The following PKIG variants were observed in gnomAD, a reference collection of about 807,000 sequenced individuals.
PKIG encodes the protein protein kinase (cAMP-dependent, catalytic) inhibitor gamma.
In PKIG, 1 loss-of-function variant was observed where a neutral mutation model predicts 6.8. The observed-to-expected ratio is 0.15, with a 90% confidence interval of 0.05 to 0.69. The LOEUF is 0.69. PKIG is among the 30% of genes least tolerant of loss of function. The pLI is 0.82. For missense variants in PKIG, 77 were observed against 104.0 expected (o/e 0.74, Z 1.13); for synonymous variants, 39 against 43.0 (o/e 0.91, Z 0.36).
upstream of PKIG, among the ~76,000 whole-genome samples, chr20:44,580,175 C>A (rs1451601610): frequency 6.6e-6 from 1 of 152,122 alleles, no homozygotes; most frequent in Non-Finnish European, 1.5e-5. Flanking sequence ...GGCACATAAC[C>A]CACACAAGAA....
chr20:44,585,795 C>T (rs1437860677), intron 1 of PKIG, among the ~76,000 whole-genome samples: 2 of 152,276 alleles, frequency 1.3e-5, no homozygotes, highest in Non-Finnish European at 2.9e-5. Context: ...CTCTAGTCTC[C>T]TGCCTGGCCC....
chr20:44,583,242 C>A (rs549660943), intron 1 of PKIG, among the ~76,000 whole-genome samples: 1 of 152,252 alleles, frequency 6.6e-6, no homozygotes, highest in Admixed American at 6.5e-5. Context: ...CACATATAAA[C>A]CCAGTGCTGC....
chr20:44,618,161 C>G, intron 3 of PKIG, 124 bp from the exon 4 acceptor site: 1 of 545,750 alleles, frequency 1.8e-6, no homozygotes, highest in Non-Finnish European at 3.2e-6. Flanking sequence ...CAGTCCAGCT[C>G]CAGCTCGTCT....
In PKIG at chr20:44,614,560, A is replaced by G; in HGVS notation, c.4A>G (p.Met2Val). The change falls in exon 3 of 4, where the codon ATG (methionine) becomes GTG (valine). Residue 2 changes from methionine (M) to valine (V), a missense_variant. Coordinates refer to ENST00000372886, the MANE Select transcript of PKIG (RefSeq NM_001281445.2). The surrounding 1 kb of genome is among the most constrained non-coding windows in gnomAD (Gnocchi z 4.6). MMEVESSYSDFI... is the reference protein window; with the variant it reads MVEVESSYSDFI... ...CCTGAGGAGCGATGCGACAGGCATG[A>G]TGGAGGTCGAGTCCTCCTACTCGGA... is the stretch of plus-strand genomic sequence containing the variant. 6.2e-7 allele frequency: 1 copy of G among 1,613,958 alleles called. No individual in the cohort carries two copies. Among genetic ancestry groups the G allele is most frequent in the Non-Finnish European group, 8.5e-7 (1 of 1,179,910 alleles).
intron 3 of PKIG, among the ~76,000 whole-genome samples, chr20:44,616,881 T>C (rs903463715): frequency 6.6e-6 from 1 of 152,162 alleles, no homozygotes; most frequent in Non-Finnish European, 1.5e-5. Flanking sequence ...GGGCTCGGAA[T>C]AGGGTCCCGA....
chr20:44,592,883 G>A (rs1325000003), intron 2 of PKIG, among the ~76,000 whole-genome samples: 3 of 152,120 alleles, frequency 2.0e-5, no homozygotes, highest in Non-Finnish European at 4.4e-5. Flanking sequence ...TACCCAAAGC[G>A]ATCTACAGAA....
intron 1 of PKIG, among the ~76,000 whole-genome samples, chr20:44,565,655 C>T (rs1442500634): frequency 6.6e-6 from 1 of 152,222 alleles, no homozygotes; most frequent in Admixed American, 6.5e-5. Flanking sequence ...TTAGCCCATT[C>T]ATAATCTTTA....
intron 1 of PKIG, among the ~76,000 whole-genome samples, chr20:44,574,262 C>T (rs1010852768): frequency 6.6e-6 from 1 of 152,162 alleles, no homozygotes; most frequent in Non-Finnish European, 1.5e-5. Flanking sequence ...ATCCTGCTCC[C>T]AAGGGCATAC....
intron 1 of PKIG, among the ~76,000 whole-genome samples, chr20:44,558,554 T>C (rs1426432712): frequency 6.7e-6 from 1 of 150,134 alleles, no homozygotes; most frequent in African/African-American, 2.5e-5. Context: ...CTCACATTTC[T>C]TTTTCTTTCT....
At chr20:44,597,363 G>T (rs1210669644) in intron 2 of PKIG, among the ~76,000 whole-genome samples, 5 of 151,916 alleles carry the variant, frequency 3.3e-5, no homozygotes, top group Admixed American at 3.3e-4. Flanking sequence ...AGAATTACGG[G>T]CTTATGAACT....
intron 1 of PKIG, among the ~76,000 whole-genome samples, chr20:44,558,582 C>T (rs943450533): frequency 6.2e-5 from 9 of 144,698 alleles, no homozygotes; most frequent in African/African-American, 2.4e-4. Flanking sequence ...TTTTTTCTTT[C>T]TTTCTTTCTT....
intron 2 of PKIG, chr20:44,598,998 A>C (rs2065097663): frequency 6.6e-6 from 1 of 152,218 alleles, no homozygotes; most frequent in Non-Finnish European, 1.5e-5. Context: ...AGTCAACCCA[A>C]CATCACTGAA....
intron 1 of PKIG, among the ~76,000 whole-genome samples, chr20:44,532,349 C>T (rs1267651896): frequency 6.6e-6 from 1 of 152,150 alleles, no homozygotes; most frequent in Non-Finnish European, 1.5e-5. Flanking sequence ...TCAGTTTTAT[C>T]GTCTGCAAAA....
chr20:44,558,165 T>C (rs1228160615), intron 1 of PKIG, among the ~76,000 whole-genome samples: 2 of 152,238 alleles, frequency 1.3e-5, no homozygotes, highest in African/African-American at 4.8e-5. Context: ...AGTCCTATTC[T>C]AATATACGGA....
At chr20:44,534,559 C>T (rs1461541370) in intron 1 of PKIG, among the ~76,000 whole-genome samples, 1 of 151,670 alleles carries the variant, frequency 6.6e-6, no homozygotes, top group African/African-American at 2.4e-5. Context: ...GCCTCTGCCT[C>T]CTGTGCTCAA....
chr20:44,576,984 A>G (rs2064903852), intron 1 of PKIG, among the ~76,000 whole-genome samples: 1 of 152,128 alleles, frequency 6.6e-6, no homozygotes, highest in Non-Finnish European at 1.5e-5. Flanking sequence ...CTGAAGAAAA[A>G]GCAGCCACGT....
chr20:44,596,394 T>C (rs1267443464), intron 2 of PKIG, among the ~76,000 whole-genome samples: 1 of 152,176 alleles, frequency 6.6e-6, no homozygotes, highest in African/African-American at 2.4e-5. Flanking sequence ...CAGGACTGTT[T>C]ACAGGGGGCT....
At chr20:44,555,852 T>A (rs1600848549) in intron 1 of PKIG, among the ~76,000 whole-genome samples, 1 of 152,354 alleles carries the variant, frequency 6.6e-6, no homozygotes, top group East Asian at 1.9e-4. Flanking sequence ...TATTTTATTT[T>A]TTTGAGACGG....
intron 1 of PKIG, among the ~76,000 whole-genome samples, chr20:44,536,907 T>A (rs1157545790): frequency 6.6e-6 from 1 of 152,188 alleles, no homozygotes; most frequent in Non-Finnish European, 1.5e-5. Flanking sequence ...AATGTTTTAG[T>A]GTGTGTTTTT....
Sources: gnomAD v4.1 joint callset for allele counts (sites outside exome capture counted in the v4.1 genomes callset) on GRCh38, gnomAD v4.1.1 for gene constraint, Gnocchi (gnomAD v3.1) non-coding constraint, MANE v1.5 for transcripts, NCBI Gene and HGNC (gene_info 2026-07-23, HGNC 2026-07-21) for gene names.